INPP4B: variants seen among roughly 807,000 people sequenced by gnomAD.
INPP4B encodes inositol polyphosphate-4-phosphatase type II B, also known as inositol polyphosphate 4-phosphatase type II.
Under a neutral mutation model 122.5 loss-of-function variants are expected in INPP4B, and 55 were observed. The ratio of observed to expected loss-of-function variants is 0.45; its 90% confidence interval spans 0.36 to 0.56. The LOEUF (loss-of-function observed/expected upper bound fraction) is 0.56, where lower values mean the gene tolerates loss of function less well. INPP4B is among the 20% of genes least tolerant of loss of function. The pLI, the probability that INPP4B is intolerant of heterozygous loss-of-function variation, is 0.00. For synonymous variants in INPP4B, 403 were observed against 388.7 expected (o/e 1.04, Z -0.43); for missense variants, 1,000 against 1,097.7 (o/e 0.91, Z 1.26).
At chr4:142,430,396 C>T (rs1809048091) in intron 4 of INPP4B, among the ~76,000 whole-genome samples, 1 of 151,930 alleles carries the variant, frequency 6.6e-6, no homozygotes, top group East Asian at 1.9e-4. Context: ...CTCAAAAACG[C>T]ATCCAACCAA....
chr4:142,360,391 T>C (rs1784993510), intron 7 of INPP4B, among the ~76,000 whole-genome samples: 1 of 151,978 alleles, frequency 6.6e-6, no homozygotes, highest in Non-Finnish European at 1.5e-5. Flanking sequence ...TATCTGGGTT[T>C]TGTGCTGCAT....
intron 7 of INPP4B, among the ~76,000 whole-genome samples, chr4:142,339,922 T>C (rs1034085887): frequency 2.0e-5 from 3 of 152,060 alleles, no homozygotes; most frequent in African/African-American, 7.2e-5. Flanking sequence ...AAGCAATTAT[T>C]AAACTGAAAA....
At chr4:142,091,593 C>A (rs747200694) in intron 23 of INPP4B, among the ~76,000 whole-genome samples, 3 of 152,172 alleles carry the variant, frequency 2.0e-5, no homozygotes, top group Non-Finnish European at 4.4e-5. Context: ...CGTGCAGTCA[C>A]ACACCCCAGT....
At chr4:142,316,609 G>A (rs1767798269) in intron 7 of INPP4B, among the ~76,000 whole-genome samples, 1 of 151,916 alleles carries the variant, frequency 6.6e-6, no homozygotes, top group Non-Finnish European at 1.5e-5. Flanking sequence ...AAAATTGACA[G>A]CCAAATAACA....
At chr4:142,290,485 C>T (rs1254816292) in intron 9 of INPP4B, among the ~76,000 whole-genome samples, 1 of 152,042 alleles carries the variant, frequency 6.6e-6, no homozygotes, top group Non-Finnish European at 1.5e-5. Context: ...GGATTACAGG[C>T]GTGAGCCACC....
chr4:142,397,246 A>G (rs1284952364), intron 7 of INPP4B, among the ~76,000 whole-genome samples: 1 of 152,224 alleles, frequency 6.6e-6, no homozygotes, highest in Non-Finnish European at 1.5e-5. Flanking sequence ...GAAGCATTTC[A>G]AAAGGCAGAG....
intron 2 of INPP4B, among the ~76,000 whole-genome samples, chr4:142,581,831 A>C (rs1367671430): frequency 6.6e-6 from 1 of 151,958 alleles, no homozygotes; most frequent in Non-Finnish European, 1.5e-5. Context: ...ATACCATCTG[A>C]TCCTGAATTC....
intron 12 of INPP4B, among the ~76,000 whole-genome samples, chr4:142,214,989 C>T (rs1480082307): frequency 6.6e-6 from 1 of 152,182 alleles, no homozygotes; most frequent in African/African-American, 2.4e-5. Flanking sequence ...CCAGATATGC[C>T]AGTTTACACC....
chr4:142,726,027 C>T (rs1040445683), intron 1 of INPP4B, 126 bp from the exon 2 acceptor site: 8 of 385,628 alleles, frequency 2.1e-5, no homozygotes, highest in Non-Finnish European at 3.2e-5. Flanking sequence ...ATATTCAGCT[C>T]CATTCAGCAG....
At chr4:142,029,685 T>A in intron 25 of INPP4B, 1 of 985,808 alleles carries the variant, frequency 1.0e-6, no homozygotes, top group Non-Finnish European at 1.2e-6. Context: ...AAAAAATTTC[T>A]ATCAGCAGAT....
intron 15 of INPP4B, among the ~76,000 whole-genome samples, chr4:142,179,428 G>A (rs550880442): frequency 1.0e-3 from 128 of 125,284 alleles, no homozygotes; most frequent in Middle Eastern, 7.0e-3. Context: ...AGCCAAGATC[G>A]CCCCACTGCA....
chr4:142,258,761 G>A (rs1737952969), intron 11 of INPP4B, among the ~76,000 whole-genome samples: 1 of 152,152 alleles, frequency 6.6e-6, no homozygotes, highest in South Asian at 2.1e-4. Flanking sequence ...TGGTGGGACT[G>A]TAAACTAGTT....
chr4:142,294,945 A>G, intron 9 of INPP4B, among the ~76,000 whole-genome samples: 1 of 149,150 alleles, frequency 6.7e-6, no homozygotes, highest in East Asian at 2.0e-4. Context: ...AGGAAAGAGG[A>G]GTGGTGTGGG....
intron 2 of INPP4B, among the ~76,000 whole-genome samples, chr4:142,664,020 G>A (rs1755633230): frequency 1.3e-5 from 2 of 152,128 alleles, no homozygotes; most frequent in Non-Finnish European, 2.9e-5. Flanking sequence ...CATTCTTTGA[G>A]GCAATTCATG....
intron 11 of INPP4B, among the ~76,000 whole-genome samples, chr4:142,259,117 C>T (rs1231646326): frequency 6.7e-6 from 1 of 148,166 alleles, no homozygotes; most frequent in Non-Finnish European, 1.5e-5. Context: ...AAAAACCAAA[C>T]ACCGCATATT....
chr4:142,260,748 A>ATTT, intron 10 of INPP4B, among the ~76,000 whole-genome samples, 184 bp from the exon 11 acceptor site: 1 of 152,298 alleles, frequency 6.6e-6, no homozygotes, highest in Middle Eastern at 3.4e-3. Flanking sequence ...TGATTTACTT[A>ATTT]AATGTATACA....
At chr4:142,484,462 C>T (rs1029288069) in intron 2 of INPP4B, among the ~76,000 whole-genome samples, 6 of 152,088 alleles carry the variant, frequency 3.9e-5, no homozygotes, top group African/African-American at 1.4e-4. Flanking sequence ...GTAAGACTTC[C>T]ATTGGCAATG....
chr4:142,796,226 T>C (rs1291557309), intron 1 of INPP4B, among the ~76,000 whole-genome samples: 1 of 152,004 alleles, frequency 6.6e-6, no homozygotes, highest in Non-Finnish European at 1.5e-5. Context: ...TAAGGAGAAG[T>C]AAACAGACTT....
chr4:142,447,018 A>G (rs954089061), intron 3 of INPP4B, among the ~76,000 whole-genome samples: 6 of 152,206 alleles, frequency 3.9e-5, no homozygotes, highest in African/African-American at 1.4e-4. Flanking sequence ...TAGGAAAAAA[A>G]GTTTTTCTTT....
Sources: allele counts gnomAD v4.1 joint callset (sites outside exome capture counted in the v4.1 genomes callset), GRCh38; gene constraint gnomAD v4.1.1; transcripts MANE v1.5; gene names NCBI Gene and HGNC (gene_info 2026-07-23, HGNC 2026-07-21).